Variants in KCNIP1 observed in about 807,000 individuals in gnomAD.
KCNIP1 encodes A-type potassium channel modulatory protein KCNIP1.
Under a neutral mutation model 33.0 loss-of-function variants are expected in KCNIP1, and 18 were observed. The observed-to-expected ratio is 0.55, with a 90% CI of 0.38 to 0.81. KCNIP1 has a LOEUF of 0.81. Ranked by LOEUF, KCNIP1 falls within the 30% of genes least tolerant of loss-of-function variation. KCNIP1 has a pLI of 0.00. For missense variants in KCNIP1, 238 were observed against 271.6 expected, an observed-to-expected ratio of 0.88 and a Z score of 0.87; for synonymous variants, 93 against 98.3, an observed-to-expected ratio of 0.95 and a Z score of 0.32.
intron 1 of KCNIP1, chr5:170,641,912 C>G (rs1308429885): frequency 5.9e-5 from 9 of 152,294 alleles, no homozygotes; most frequent in Admixed American, 5.9e-4. Flanking sequence ...TGGCATGCAG[C>G]CTCGGCCATT....
chr5:170,512,387 A>T (rs1019288794), intron 1 of KCNIP1, among the ~76,000 whole-genome samples: 2 of 152,194 alleles, frequency 1.3e-5, no homozygotes, highest in African/African-American at 4.8e-5. Flanking sequence ...CTTACTGCTC[A>T]TCTCCTTTCT....
intron 1 of KCNIP1, among the ~76,000 whole-genome samples, chr5:170,702,741 T>C (rs908288567): frequency 6.6e-6 from 1 of 152,184 alleles, no homozygotes; most frequent in African/African-American, 2.4e-5. Flanking sequence ...GATTAGTCTC[T>C]GTGACCCCAA....
intron 1 of KCNIP1, among the ~76,000 whole-genome samples, chr5:170,679,977 T>C (rs984373713): frequency 3.3e-5 from 5 of 152,212 alleles, no homozygotes; most frequent in Admixed American, 3.3e-4. Context: ...AATTTCTGAA[T>C]AAATGGATAT....
intron 1 of KCNIP1, among the ~76,000 whole-genome samples, chr5:170,712,110 A>T (rs1367585746): frequency 6.6e-6 from 1 of 152,078 alleles, no homozygotes; most frequent in East Asian, 1.9e-4. Flanking sequence ...GGGACCTTGG[A>T]CTCACCCAGC....
At chr5:170,669,443 G>C (rs1561753436) in intron 1 of KCNIP1, 1 of 834,672 alleles carries the variant, frequency 1.2e-6, no homozygotes, top group African/African-American at 1.8e-5. Flanking sequence ...AGGCTACATA[G>C]AATGTATTTA....
intron 1 of KCNIP1, among the ~76,000 whole-genome samples, chr5:170,592,704 C>T (rs1428499657): frequency 1.3e-5 from 2 of 152,192 alleles, no homozygotes; most frequent in African/African-American, 4.8e-5. Context: ...GACTTGATCA[C>T]TTGAGTTAGC....
intron 1 of KCNIP1, among the ~76,000 whole-genome samples, chr5:170,588,741 C>A (rs112125717): frequency 3.3e-5 from 5 of 152,098 alleles, no homozygotes; most frequent in Non-Finnish European, 5.9e-5. Flanking sequence ...TCCTGTGATT[C>A]GGTCTGGCTG....
intron 1 of KCNIP1, among the ~76,000 whole-genome samples, chr5:170,638,934 G>T (rs1760413043): frequency 6.6e-6 from 1 of 152,314 alleles, no homozygotes; most frequent in South Asian, 2.1e-4. Flanking sequence ...AGGCCTAGGG[G>T]AGAGGCCGGT....
intron 1 of KCNIP1, among the ~76,000 whole-genome samples, chr5:170,426,910 A>C (rs1755627800): frequency 6.6e-6 from 1 of 152,262 alleles, no homozygotes; most frequent in African/African-American, 2.4e-5. Flanking sequence ...CCCCATGTGC[A>C]GCCTTTGCGT....
chr5:170,557,550 G>A (rs534914177), intron 1 of KCNIP1, among the ~76,000 whole-genome samples: 85 of 152,232 alleles, frequency 5.6e-4, no homozygotes, highest in Non-Finnish European at 1.1e-3. Context: ...GAATCGTGTG[G>A]GTCCCATCCT....
At chr5:170,405,417 T>C (rs1755010105) in intron 1 of KCNIP1, among the ~76,000 whole-genome samples, 1 of 152,208 alleles carries the variant, frequency 6.6e-6, no homozygotes, top group Non-Finnish European at 1.5e-5. Context: ...TTAGCCAGGC[T>C]GGTCTTGAAT....
chr5:170,552,884 G>A lies in KCNIP1; in HGVS notation c.61+48251G>A, dbSNP rs544357188. Among the ~76,000 whole-genome samples the A allele has an allele frequency of 4.6e-5, 7 of 152,312 alleles. No homozygotes were observed. In the South Asian group the frequency reaches 1.2e-3, roughly 27 times the overall value. ...GCTGTCCAGGCCAGCTGACGCTGAC[G>A]ATGAGTGGGGCCCAGAGCTTAGACT... On this transcript the variant is annotated intron_variant, in intron 1 of 7. Transcript: ENST00000328939.
At chr5:170,659,076 C>A (rs1761379025) in intron 1 of KCNIP1, among the ~76,000 whole-genome samples, 1 of 152,172 alleles carries the variant, frequency 6.6e-6, no homozygotes, top group Non-Finnish European at 1.5e-5. Flanking sequence ...GCCTCTCAGT[C>A]CTGACTGCTC....
In KCNIP1 at chr5:170,489,137, A is replaced by G. The variant is rs62394266; in HGVS notation, c.88+135173A>G. 0.17 allele frequency among the ~76,000 whole-genome samples: 25,521 copies of G among 152,124 alleles called. 2,219 individuals are homozygous for G. Among genetic ancestry groups the G allele is most frequent in the East Asian group, 0.28 (1,465 of 5,144 alleles). On this transcript the variant is annotated intron_variant, in intron 1 of 7. Coordinates refer to the KCNIP1 transcript ENST00000377360. This position sits in a 1 kb window ranked among gnomAD's most constrained non-coding sequence, Gnocchi z 4.3. ...CCAGCCAGGCGGGGAGGCTGACCCA[A>G]TGGCCCCGGAATGGTGATGGAGCAG...
At position 170,360,307 on chromosome 5, in the gene KCNIP1, T is replaced by C. The variant is rs182323017; in HGVS notation, c.88+6343T>C. Among the ~76,000 whole-genome samples the C allele has an allele frequency of 5.3e-5, 8 of 152,306 alleles. No individual in the cohort carries two copies. In the East Asian group the frequency reaches 1.5e-3, roughly 29 times the overall value. Reference sequence around the variant, plus strand: ...GAAGCAGGATGCAGGGCGGGAAAACTCTGGACCCAGAGGGACCTGGGCTCC... The same window carrying C: ...GAAGCAGGATGCAGGGCGGGAAAACCCTGGACCCAGAGGGACCTGGGCTCC... On this transcript the variant is annotated intron_variant, in intron 1 of 7. Transcript: ENST00000377360.
Position 170,659,747 on chromosome 5 carries a change from C to T in KCNIP1, c.62-59011C>T, listed in dbSNP as rs149248426. On this transcript the variant is annotated intron_variant, in intron 1 of 7. Coordinates refer to ENST00000328939, the MANE Select transcript of KCNIP1 (RefSeq NM_014592.4). ...TTGCTTTTCTGTCCTGTGTTTTCATCTTCTCTCAGAACCCTAACTTTGAGA... is the reference window on the plus strand; with the variant it reads ...TTGCTTTTCTGTCCTGTGTTTTCATTTTCTCTCAGAACCCTAACTTTGAGA... Among the ~76,000 whole-genome samples, 284 of 152,328 alleles carry T rather than the reference C, an allele frequency of 1.9e-3. 2 individuals are homozygous for T. The highest frequency in any genetic ancestry group is 6.3e-3 in the African/African-American group (264 of 41,578).
Position 170,444,699 on chromosome 5 carries a change from TA to T in KCNIP1, c.88+90750del, listed in dbSNP as rs111942720. ...CTACAAATTATATTTTTTCTTTTTT[TA>T]AAAAAAAAAAAAAACCTTCTTCCCC... On this transcript the variant is annotated intron_variant, in intron 1 of 7. Coordinates refer to the KCNIP1 transcript ENST00000377360. Among the ~76,000 whole-genome samples the T allele has an allele frequency of 1.7e-3, 244 of 146,218 alleles. 2 individuals are homozygous for T. The Middle Eastern group carries it at 0.018, about 11-fold the overall frequency.
At chr5:170,523,252 C>T (rs571648465) in intron 1 of KCNIP1, among the ~76,000 whole-genome samples, 1 of 152,342 alleles carries the variant, frequency 6.6e-6, no homozygotes, top group South Asian at 2.1e-4. Context: ...GGACTGCACT[C>T]CTGATCTTGC....
chr5:170,483,387 G>T (rs1757018376), intron 1 of KCNIP1, among the ~76,000 whole-genome samples: 1 of 152,170 alleles, frequency 6.6e-6, no homozygotes, highest in Admixed American at 6.5e-5. Flanking sequence ...CCTTAAAGTG[G>T]ACCTAGCCAT....
Sources: allele counts gnomAD v4.1 joint callset (sites outside exome capture counted in the v4.1 genomes callset), GRCh38; gene constraint gnomAD v4.1.1; non-coding constraint Gnocchi (gnomAD v3.1); transcripts MANE v1.5; gene names NCBI Gene and HGNC (gene_info 2026-07-23, HGNC 2026-07-21).